RAPGEF5: variants seen among roughly 807,000 people sequenced by gnomAD.
RAPGEF5 encodes Rap guanine nucleotide exchange factor 5, also known as M-Ras-regulated GEF.
A neutral mutation model predicts 125.2 loss-of-function variants in RAPGEF5; 65 were observed. The observed-to-expected ratio is 0.52, with a 90% CI of 0.43 to 0.64. The LOEUF is 0.64. Ranked by LOEUF, RAPGEF5 falls within the 30% of genes least tolerant of loss-of-function variation. The probability of loss-of-function intolerance (pLI) is 0.00; values close to 1 mark genes in which losing one functional copy is unlikely to be tolerated. For synonymous variants in RAPGEF5, 391 were observed against 385.9 expected, an observed-to-expected ratio of 1.01 and a Z score of -0.16; for missense variants, 958 against 1,048.1, an observed-to-expected ratio of 0.91 and a Z score of 1.19.
intron 9 of RAPGEF5, among the ~76,000 whole-genome samples, chr7:22,214,494 T>C (rs1785585211): frequency 6.6e-6 from 1 of 152,190 alleles, no homozygotes; most frequent in Admixed American, 6.5e-5. Flanking sequence ...AAGCATAAAC[T>C]ACATTTCGGG....
intron 7 of RAPGEF5, among the ~76,000 whole-genome samples, chr7:22,233,098 A>G (rs1786099379): frequency 6.6e-6 from 1 of 152,212 alleles, no homozygotes; most frequent in African/African-American, 2.4e-5. Flanking sequence ...TTTTCTCTGA[A>G]AAACTAGAGG....
intron 9 of RAPGEF5, among the ~76,000 whole-genome samples, chr7:22,205,860 C>T (rs926511499): frequency 6.6e-6 from 1 of 152,180 alleles, no homozygotes; most frequent in Non-Finnish European, 1.5e-5. Context: ...GCTGGATATG[C>T]TAGATCAGCC....
intron 6 of RAPGEF5, among the ~76,000 whole-genome samples, chr7:22,289,461 G>A (rs1562510456): frequency 1.3e-5 from 2 of 152,280 alleles, no homozygotes; most frequent in East Asian, 3.9e-4. Context: ...TCATAGTGCT[G>A]TTGTACAGTA....
At chr7:22,182,127 T>TC (rs1054563900) in intron 11 of RAPGEF5, among the ~76,000 whole-genome samples, 3 of 152,148 alleles carry the variant, frequency 2.0e-5, no homozygotes, top group Non-Finnish European at 4.4e-5. Flanking sequence ...AACACTTTGT[T>TC]CCCCCATTTT....
chr7:22,356,419 C>T (rs1784420824), intron 1 of RAPGEF5: 1 of 189,102 alleles, frequency 5.3e-6, no homozygotes, highest in Non-Finnish European at 9.8e-6. Context: ...AACAAGCACA[C>T]ACGTCGCATG....
chr7:22,232,143 A>G (rs530846870), intron 7 of RAPGEF5, among the ~76,000 whole-genome samples: 1 of 152,160 alleles, frequency 6.6e-6, no homozygotes, highest in Admixed American at 6.5e-5. Context: ...GAGAGAAAAA[A>G]GAGATGAAGG....
In RAPGEF5 at chr7:22,162,512, T is replaced by C; in HGVS notation, c.1313A>G (p.Glu438Gly). The C allele has an allele frequency of 6.2e-7, 1 of 1,610,170 alleles. No homozygotes were observed. Among genetic ancestry groups the C allele is most frequent in the Non-Finnish European group, 8.5e-7 (1 of 1,176,552 alleles). Residue 438 changes from glutamate to glycine, a missense_variant, in exon 13 of 26, where the codon GAG (glutamate) becomes GGG (glycine). By Grantham distance (98) the Glu-to-Gly change is moderately conservative. Transcript: ENST00000665637. ...HYSAKKYQGK[E>G]ENSDVPRRKR... Reference sequence around the variant, plus strand: ...CCTACGCGGAACGTCTGAGTTTTCCTCTTTGCCTTGATACTTCTTAGCAGA... The same window carrying C: ...CCTACGCGGAACGTCTGAGTTTTCCCCTTTGCCTTGATACTTCTTAGCAGA...
At chr7:22,253,638 G>A (rs1017929022) in intron 7 of RAPGEF5, among the ~76,000 whole-genome samples, 3 of 152,116 alleles carry the variant, frequency 2.0e-5, no homozygotes, top group Non-Finnish European at 2.9e-5. Context: ...CAAAAGGAGA[G>A]CATTCAAAAT....
At chr7:22,199,332 G>A (rs147193729) in intron 9 of RAPGEF5, among the ~76,000 whole-genome samples, 20 of 152,128 alleles carry the variant, frequency 1.3e-4, no homozygotes, top group East Asian at 5.8e-4. Flanking sequence ...GGCAGGGACC[G>A]GCTTTAGAGG....
intron 6 of RAPGEF5, among the ~76,000 whole-genome samples, chr7:22,280,882 G>T (rs1562505696): frequency 6.6e-6 from 1 of 152,150 alleles, no homozygotes; most frequent in African/African-American, 2.4e-5. Flanking sequence ...ATCTAGGTGA[G>T]GAAGCAGTGC....
At chr7:22,194,442 T>C (rs375522754) in intron 9 of RAPGEF5, 63 of 460,650 alleles carry the variant, frequency 1.4e-4, no homozygotes, top group Admixed American at 3.1e-4. Flanking sequence ...AGTTGAATCA[T>C]ACAAAATATA....
At chr7:22,243,544 C>T (rs1786395131) in intron 7 of RAPGEF5, among the ~76,000 whole-genome samples, 1 of 152,142 alleles carries the variant, frequency 6.6e-6, no homozygotes, top group South Asian at 2.1e-4. Context: ...GCATGAGCCA[C>T]TGTGCTCAGC....
chr7:22,243,506 T>G (rs1786394097), intron 7 of RAPGEF5, among the ~76,000 whole-genome samples: 1 of 152,154 alleles, frequency 6.6e-6, no homozygotes, highest in African/African-American at 2.4e-5. Context: ...TCCACCCGTC[T>G]CGGCCTCCCA....
At chr7:22,183,531 A>G (rs1784740061) in intron 11 of RAPGEF5, among the ~76,000 whole-genome samples, 1 of 152,182 alleles carries the variant, frequency 6.6e-6, no homozygotes, top group African/African-American at 2.4e-5. Context: ...TTTGAGGTAA[A>G]GTATTTCAGG....
intron 9 of RAPGEF5, among the ~76,000 whole-genome samples, chr7:22,204,454 T>TTG (rs371368579): frequency 9.2e-5 from 14 of 152,204 alleles, no homozygotes; most frequent in Non-Finnish European, 1.8e-4. Context: ...GAGGAAATGC[T>TTG]TGTGTGTGTG....
chr7:22,152,942 G>A (rs1365997991), intron 17 of RAPGEF5, among the ~76,000 whole-genome samples: 2 of 152,108 alleles, frequency 1.3e-5, no homozygotes, highest in Non-Finnish European at 2.9e-5. Flanking sequence ...GATTAGCAAT[G>A]GGTCTATAGA....
Position 22,150,507 on chromosome 7 carries a change from T to G in RAPGEF5, c.1787-3A>C, listed in dbSNP as rs1783591356. ...ATTTGGCTGAAGTTCATGCTTTTCT[T>G]TATTTGAAAAAAAAAAAAAAAAAAG... On this transcript the variant is annotated splice_region_variant and splice_polypyrimidine_tract_variant and intron_variant, in intron 17 of 25. Transcript: ENST00000665637. 3.3e-6 allele frequency: 5 copies of G among 1,523,296 alleles called. No homozygotes were observed. Among genetic ancestry groups the G allele is most frequent in the Non-Finnish European group, 4.4e-6 (5 of 1,148,986 alleles). The allele number at this position is 1,523,296 out of a possible 1,614,324, so 94.4% of individuals were successfully genotyped here.
At chr7:22,247,506 C>T (rs887815338) in intron 7 of RAPGEF5, among the ~76,000 whole-genome samples, 1 of 152,114 alleles carries the variant, frequency 6.6e-6, no homozygotes, top group Non-Finnish European at 1.5e-5. Context: ...GCAGTTCCCA[C>T]ACACACTCTC....
chr7:22,243,172 CA>C (rs1461130269), intron 7 of RAPGEF5, among the ~76,000 whole-genome samples: 14 of 152,070 alleles, frequency 9.2e-5, no homozygotes, highest in African/African-American at 2.9e-4. Flanking sequence ...TTACGGCTCA[CA>C]AAAGAAAGCA....
Sources: gnomAD v4.1 joint callset for allele counts (sites outside exome capture counted in the v4.1 genomes callset) on GRCh38, gnomAD v4.1.1 for gene constraint, MANE v1.5 for transcripts, NCBI Gene and HGNC (gene_info 2026-07-23, HGNC 2026-07-21) for gene names.